The following ATP6V0A2 variants were observed in gnomAD, a reference collection of about 807,000 sequenced individuals.
ATP6V0A2 encodes V-type proton ATPase 116 kDa subunit a 2.
Under a neutral mutation model 104.4 loss-of-function variants are expected in ATP6V0A2, and 58 were observed. That is an observed-to-expected ratio of 0.56 (90% CI 0.45 to 0.69). The LOEUF is 0.69. ATP6V0A2 is among the 30% of genes least tolerant of loss of function. The pLI, the probability that ATP6V0A2 is intolerant of heterozygous loss-of-function variation, is 0.00. For missense variants in ATP6V0A2, 938 were observed against 1,062.9 expected (o/e 0.88, Z 1.63); for synonymous variants, 376 against 397.9 (o/e 0.95, Z 0.65).
At chr12:123,726,163 T>G in intron 4 of ATP6V0A2, 34 bp from the exon 5 acceptor site, 10 of 1,486,748 alleles carry the variant, frequency 6.7e-6, no homozygotes, top group East Asian at 2.3e-5. Context: ...TCACTTTTAA[T>G]GAGACACACT....
chr12:123,731,007 C>T (rs1956496980), intron 6 of ATP6V0A2: 1 of 152,184 alleles, frequency 6.6e-6, no homozygotes, highest in Admixed American at 6.5e-5. Flanking sequence ...TGCCTGGCCT[C>T]TTATGCCAAA....
At chr12:123,729,333 T>TTTTTTTTTTTTTTTTTGTG (rs1593895328) in intron 6 of ATP6V0A2, among the ~76,000 whole-genome samples, 1 of 150,670 alleles carries the variant, frequency 6.6e-6, no homozygotes, top group African/African-American at 2.4e-5. Flanking sequence ...TTTTTTTTTT[T>TTTTTTTTTTTTTTTTTGTG]GAGTGCAAAT....
chr12:123,749,144 G>T (rs1004902968), intron 15 of ATP6V0A2, among the ~76,000 whole-genome samples: 1 of 152,138 alleles, frequency 6.6e-6, no homozygotes, highest in East Asian at 1.9e-4. Context: ...ACAAAAATTT[G>T]TCAGGCATGA....
At chr12:123,752,012 C>T (rs1457869977) in intron 16 of ATP6V0A2, among the ~76,000 whole-genome samples, 1 of 152,026 alleles carries the variant, frequency 6.6e-6, no homozygotes, top group South Asian at 2.1e-4. Context: ...GCGCCCGCCA[C>T]CACGCCCTGC....
chr12:123,712,777 A>G (rs1956305587), intron 1 of ATP6V0A2, 95 bp downstream of exon 1: 2 of 1,065,378 alleles, frequency 1.9e-6, no homozygotes, highest in Non-Finnish European at 2.8e-6. Flanking sequence ...GCACCGAGGA[A>G]GGGCGCGCCC....
In ATP6V0A2 at chr12:123,712,475, AGGCCCGGGCCGCACCGGCTGAGTGTGCG is replaced by A; in HGVS notation, c.-84_-57del. 1.3e-6 allele frequency: 1 copy of A among 781,532 alleles called. No individual in the cohort carries two copies. Among genetic ancestry groups the A allele is most frequent in the Non-Finnish European group, 1.9e-6 (1 of 536,590 alleles). The allele number at this position is 781,532 out of a possible 1,614,324, so 48.4% of individuals were successfully genotyped here. On this transcript the variant is annotated 5_prime_UTR_variant, in exon 1 of 20. Transcript: ENST00000330342. The stretch of plus-strand genomic sequence containing the variant: ...GCGGCCAGGCCACAGGAAGAGCTCG[AGGCCCGGGCCGCACCGGCTGAGTGTGCG>A]GGCCCGCGCGGCTCGGAGCCGCCGC...
At chr12:123,757,507 A>G (rs576077266) in intron 19 of ATP6V0A2, among the ~76,000 whole-genome samples, 2 of 152,240 alleles carry the variant, frequency 1.3e-5, no homozygotes, top group Non-Finnish European at 2.9e-5. Context: ...TTAAGTTTGC[A>G]GAATACTAAC....
At chr12:123,745,092 C>A in intron 13 of ATP6V0A2, 120 bp downstream of exon 13, 2 of 1,005,384 alleles carry the variant, frequency 2.0e-6, no homozygotes, top group Non-Finnish European at 3.1e-6. Context: ...GGGAGGTGCT[C>A]ATTAGCCCCT....
intron 13 of ATP6V0A2, among the ~76,000 whole-genome samples, chr12:123,745,251 TC>T (rs1351228988): frequency 6.6e-6 from 1 of 152,180 alleles, no homozygotes; most frequent in Non-Finnish European, 1.5e-5. Flanking sequence ...AAATGGCACT[TC>T]AGTAGCCCTG....
intron 15 of ATP6V0A2, among the ~76,000 whole-genome samples, chr12:123,749,116 C>T (rs551882789): frequency 6.6e-6 from 1 of 152,144 alleles, no homozygotes; most frequent in African/African-American, 2.4e-5. Context: ...ACAGCAAGAC[C>T]TCATCTCTAC....
chr12:123,743,115 G>A (rs1956624886), intron 9 of ATP6V0A2, among the ~76,000 whole-genome samples: 2 of 151,952 alleles, frequency 1.3e-5, no homozygotes, highest in Non-Finnish European at 2.9e-5. Flanking sequence ...ACTCAGTGTC[G>A]GTTTTCTGTC....
chr12:123,718,734 A>G (rs767410740), intron 2 of ATP6V0A2, 33 bp downstream of exon 2: 2 of 1,480,118 alleles, frequency 1.4e-6, no homozygotes, highest in Non-Finnish European at 1.9e-6. Context: ...CAACTTAAAT[A>G]ATTACCTTTA....
chr12:123,756,449 C>T (rs887219837), intron 18 of ATP6V0A2: 4 of 202,968 alleles, frequency 2.0e-5, no homozygotes, highest in African/African-American at 4.6e-5. Flanking sequence ...CACTGAGTGT[C>T]GGTGCTTTAC....
intron 9 of ATP6V0A2, among the ~76,000 whole-genome samples, chr12:123,738,472 G>A (rs1272517883): frequency 4.6e-5 from 7 of 151,380 alleles, no homozygotes; most frequent in African/African-American, 1.5e-4. Context: ...ATTTTCCATC[G>A]TATGTTGGCC....
Position 123,722,388 on chromosome 12 carries a change from C to T in ATP6V0A2, c.234C>T (p.Pro78=), listed in dbSNP as rs375372808. ...LVQEINRADI[P]LPEGEASPPA... Reference sequence around the variant, plus strand: ...AGGAAATTAATAGAGCTGATATTCCCCTTCCTGAAGGAGAGGCCAGCCCTC... The same window carrying T: ...AGGAAATTAATAGAGCTGATATTCCTCTTCCTGAAGGAGAGGCCAGCCCTC... Residue 78 remains proline, a synonymous_variant, in exon 3 of 20, where the codon CCC becomes CCT. Transcript: ENST00000330342. 1.5e-5 allele frequency: 24 copies of T among 1,612,198 alleles called. No individual in the cohort carries two copies. In the African/African-American group the frequency reaches 2.4e-4, roughly 16 times the overall value.
intron 3 of ATP6V0A2, chr12:123,724,382 G>C (rs1956428247): frequency 5.8e-6 from 2 of 345,566 alleles, no homozygotes; most frequent in African/African-American, 4.3e-5. Context: ...AAAAAAATTA[G>C]CTGGGCGTGG....
At chr12:123,718,318 G>A (rs1405739485) in intron 1 of ATP6V0A2, among the ~76,000 whole-genome samples, 2 of 151,934 alleles carry the variant, frequency 1.3e-5, no homozygotes, top group Non-Finnish European at 2.9e-5. Context: ...TTGAACTCCC[G>A]ACCTCAAGTG....
At chr12:123,743,662 A>G in intron 9 of ATP6V0A2, 123 bp from the exon 10 acceptor site, 2 of 1,104,936 alleles carry the variant, frequency 1.8e-6, no homozygotes, top group Non-Finnish European at 2.7e-6. Flanking sequence ...TCAAAAAAAA[A>G]CAAAACAAAA....
chr12:123,726,264 A>C lies in ATP6V0A2; in HGVS notation c.500A>C (p.Gln167Pro). 1 of 1,613,866 alleles carries C rather than the reference A, an allele frequency of 6.2e-7. No individual in the cohort carries two copies. Among genetic ancestry groups the C allele is most frequent in the Non-Finnish European group, 8.5e-7 (1 of 1,179,712 alleles). ...SDSLLDYSCM[Q>P]RLGAKLGFVS... ...TCTTTGTTGGATTACAGCTGTATGCAGAGGCTGGGAGCAAAACTGGGGTAG... is the reference window on the plus strand; with the variant it reads ...TCTTTGTTGGATTACAGCTGTATGCCGAGGCTGGGAGCAAAACTGGGGTAG... Residue 167 changes from glutamine to proline, a missense_variant, in exon 5 of 20, where the codon CAG becomes CCG. By Grantham distance (76) the Gln-to-Pro change is moderately conservative. Coordinates refer to ENST00000330342, the MANE Select transcript of ATP6V0A2 (RefSeq NM_012463.4).
Sources: allele counts gnomAD v4.1 joint callset (sites outside exome capture counted in the v4.1 genomes callset), GRCh38; gene constraint gnomAD v4.1.1; transcripts MANE v1.5; gene names NCBI Gene and HGNC (gene_info 2026-07-23, HGNC 2026-07-21).